Variants in AMD1 observed in about 807,000 individuals in gnomAD.
AMD1 encodes S-adenosylmethionine decarboxylase proenzyme.
A neutral mutation model predicts 40.2 loss-of-function variants in AMD1; 11 were observed. The observed-to-expected ratio is 0.27, with a 90% CI of 0.17 to 0.45. The LOEUF (loss-of-function observed/expected upper bound fraction) is 0.45. Among genes scored for constraint, AMD1 ranks in the 20% least tolerant of loss-of-function variants. The pLI, the probability that AMD1 is intolerant of heterozygous loss-of-function variation, is 1.00. For synonymous variants in AMD1, 121 were observed against 130.8 expected (o/e 0.93, Z 0.51); for missense variants, 257 against 410.2 (o/e 0.63, Z 3.23).
At chr6:110,875,899 G>C (rs1303473450) in intron 1 of AMD1, among the ~76,000 whole-genome samples, 1 of 152,142 alleles carries the variant, frequency 6.6e-6, no homozygotes, top group African/African-American at 2.4e-5. Flanking sequence ...GGGCGGCTGG[G>C]CAGACGGCGC....
chr6:110,846,883 C>A, the AMD1 span, among the ~76,000 whole-genome samples: 8 of 151,794 alleles, frequency 5.3e-5, no homozygotes, highest in Admixed American at 3.9e-4. Flanking sequence ...AAAAAAAGAA[C>A]AATGCTTTAT....
chr6:110,847,422 G>C, the AMD1 span, among the ~76,000 whole-genome samples: 1 of 151,812 alleles, frequency 6.6e-6, no homozygotes, highest in Non-Finnish European at 1.5e-5. Flanking sequence ...CTACTCGGGA[G>C]GCTGAGGCAG....
chr6:110,871,475 G>A (rs1262985800), upstream of AMD1, among the ~76,000 whole-genome samples: 1 of 152,158 alleles, frequency 6.6e-6, no homozygotes, highest in Non-Finnish European at 1.5e-5. Flanking sequence ...ATATCAACAA[G>A]GCTAATGATG....
At chr6:110,876,535 A>C (rs1049291927) in intron 1 of AMD1, among the ~76,000 whole-genome samples, 4 of 152,180 alleles carry the variant, frequency 2.6e-5, no homozygotes, top group African/African-American at 9.7e-5. Context: ...GCACGACGGG[A>C]AACCCGGTTT....
upstream of AMD1, among the ~76,000 whole-genome samples, chr6:110,870,690 G>C (rs913951208): frequency 5.3e-5 from 8 of 152,208 alleles, no homozygotes; most frequent in Non-Finnish European, 7.4e-5. Flanking sequence ...TATAAGGAAA[G>C]TGGTTTTTGT....
the AMD1 span, among the ~76,000 whole-genome samples, chr6:110,828,176 A>G: frequency 2.0e-5 from 3 of 152,174 alleles, no homozygotes; most frequent in African/African-American, 7.2e-5. Context: ...CACGTCTGTA[A>G]TTCCAAAACT....
chr6:110,819,352 T>C, the AMD1 span, among the ~76,000 whole-genome samples: 1 of 152,148 alleles, frequency 6.6e-6, no homozygotes, highest in Non-Finnish European at 1.5e-5. Flanking sequence ...ATCGAAACTC[T>C]GTTTCAAAAC....
the AMD1 span, chr6:110,815,811 G>C: frequency 3.9e-5 from 6 of 152,520 alleles, no homozygotes; most frequent in Admixed American, 2.0e-4. Context: ...TCAGCACCTT[G>C]CTGAAGGGTT....
At chr6:110,824,219 C>T in the AMD1 span, among the ~76,000 whole-genome samples, 5 of 152,272 alleles carry the variant, frequency 3.3e-5, no homozygotes, top group South Asian at 4.1e-4. Flanking sequence ...GGTATATATA[C>T]GCCATGGAAT....
chr6:110,856,155 G>C, the AMD1 span, among the ~76,000 whole-genome samples: 1 of 150,846 alleles, frequency 6.6e-6, no homozygotes, highest in Non-Finnish European at 1.5e-5. Flanking sequence ...ATCCCAAGTA[G>C]AGGTCACAGA....
intron 2 of AMD1, 57 bp downstream of exon 2, chr6:110,887,648 AAC>A (rs1245095413): frequency 7.6e-5 from 95 of 1,257,738 alleles, no homozygotes; most frequent in Non-Finnish European, 1.0e-4. Context: ...CATAATGTGA[AAC>A]AGTTAAGTTC....
chr6:110,833,733 G>T, the AMD1 span, among the ~76,000 whole-genome samples: 1 of 152,178 alleles, frequency 6.6e-6, no homozygotes, highest in Non-Finnish European at 1.5e-5. Flanking sequence ...AAGAATAAAG[G>T]CAGGGCACAG....
rs2115317729 is a variant in AMD1 at position 110,894,381 on chromosome 6, A to C, written c.*765A>C. The C allele has an allele frequency of 6.6e-6, 1 of 152,668 alleles. No individual in the cohort carries two copies. Among genetic ancestry groups the C allele is most frequent in the East Asian group, 1.9e-4 (1 of 5,188 alleles). The allele number at this position is 152,668 out of a possible 1,614,324, so 9.5% of individuals were successfully genotyped here. ...AATGGGGGAGATGGTCCCTGGGCTT[A>C]ATATTCTTTAAAGGGCATGGGAATT... On this transcript the variant is annotated 3_prime_UTR_variant, in exon 9 of 9. Transcript: ENST00000368885.
At chr6:110,857,264 T>C in the AMD1 span, among the ~76,000 whole-genome samples, 257 of 152,166 alleles carry the variant, frequency 1.7e-3, 6 homozygotes, top group East Asian at 0.039. Flanking sequence ...CCGGGCACAG[T>C]GACTCATGCC....
At chr6:110,873,129 C>T (rs981429857), upstream of AMD1, among the ~76,000 whole-genome samples, 9 of 152,152 alleles carry the variant, frequency 5.9e-5, no homozygotes, top group Non-Finnish European at 1.3e-4. Context: ...CTTTGGGAGG[C>T]CGAAGTGGGC....
At chr6:110,859,303 T>C in the AMD1 span, among the ~76,000 whole-genome samples, 1 of 151,850 alleles carries the variant, frequency 6.6e-6, no homozygotes, top group Non-Finnish European at 1.5e-5. Flanking sequence ...TTCTTCCCCC[T>C]TGCCTTGGTC....
In AMD1 at chr6:110,875,039, C is replaced by A; in HGVS notation, c.-67C>A. On this transcript the variant is annotated 5_prime_UTR_variant, in exon 1 of 9. Coordinates refer to ENST00000368885, the MANE Select transcript of AMD1 (RefSeq NM_001634.6). ...GAACAATCCGCAGCGGCGGCGGCAG[C>A]GGCGGGAGAAGAGGTTTAATTTAGT... is the stretch of plus-strand genomic sequence containing the variant. 2 of 1,279,008 alleles carry A rather than the reference C, an allele frequency of 1.6e-6. No homozygotes were observed. The highest frequency in any genetic ancestry group is 2.2e-6 in the Non-Finnish European group (2 of 907,542). 79.2% of individuals were successfully genotyped at this position (1,279,008 alleles called of 1,614,324 possible). A position where few individuals can be genotyped will look rare whatever the true frequency, so the allele number is the denominator to read the frequency against.
upstream of AMD1, among the ~76,000 whole-genome samples, chr6:110,871,784 A>G (rs1784922141): frequency 6.6e-6 from 1 of 152,194 alleles, no homozygotes; most frequent in Admixed American, 6.5e-5. Context: ...AAGTGTCTCA[A>G]AGGTTTGAAA....
the AMD1 span, among the ~76,000 whole-genome samples, chr6:110,866,913 A>G: frequency 1.3e-5 from 2 of 151,684 alleles, no homozygotes; most frequent in East Asian, 1.9e-4. Flanking sequence ...TCCCCGGTTC[A>G]AGCTAGTCTC....
Sources: gnomAD v4.1 joint callset for allele counts (sites outside exome capture counted in the v4.1 genomes callset) on GRCh38, gnomAD v4.1.1 for gene constraint, MANE v1.5 for transcripts, NCBI Gene and HGNC (gene_info 2026-07-23, HGNC 2026-07-21) for gene names.